PHACTR1: variants seen among roughly 807,000 people sequenced by gnomAD.
PHACTR1 encodes RPEL repeat containing 1.
In PHACTR1, 16 loss-of-function variants were observed where a neutral mutation model predicts 69.2. That is an observed-to-expected ratio of 0.23 (90% confidence interval 0.16 to 0.35). The LOEUF (loss-of-function observed/expected upper bound fraction) is 0.35. Ranked by LOEUF, PHACTR1 falls within the 10% of genes least tolerant of loss-of-function variation. The pLI, the probability that PHACTR1 is intolerant of heterozygous loss-of-function variation, is 1.00. For missense variants in PHACTR1, 510 were observed against 734.7 expected, an observed-to-expected ratio of 0.69 and a Z score of 3.54; for synonymous variants, 312 against 284.5, an observed-to-expected ratio of 1.10 and a Z score of -0.97.
At chr6:13,044,328 G>A (rs1031310727) in intron 4 of PHACTR1, among the ~76,000 whole-genome samples, 3 of 152,160 alleles carry the variant, frequency 2.0e-5, no homozygotes, top group Non-Finnish European at 4.4e-5. Context: ...TATTAACCAA[G>A]GCTAAATGAA....
In PHACTR1 at chr6:12,758,240, C is replaced by T. The variant is rs199935382; in HGVS notation, c.250+8450C>T. The stretch of plus-strand genomic sequence containing the variant: ...CAGGCAGATTACAAGGTCAGGAATT[C>T]GAGACCAGCCTGACCAACATGGTGA... On this transcript the variant is annotated intron_variant, in intron 4 of 14. Coordinates refer to ENST00000332995, the MANE Select transcript of PHACTR1 (RefSeq NM_030948.6). Among the ~76,000 whole-genome samples, 19 of 152,024 alleles carry T rather than the reference C, an allele frequency of 1.2e-4. No homozygotes were observed. In the East Asian group the frequency reaches 2.1e-3, roughly 17 times the overall value.
chr6:13,022,736 G>T (rs957955425), intron 4 of PHACTR1, among the ~76,000 whole-genome samples: 1 of 151,978 alleles, frequency 6.6e-6, no homozygotes, highest in Non-Finnish European at 1.5e-5. Context: ...TATCTCTCCT[G>T]TCTGGGTGCG....
chr6:12,821,150 AAAG>A (rs374184787), intron 4 of PHACTR1, among the ~76,000 whole-genome samples: 67 of 152,314 alleles, frequency 4.4e-4, no homozygotes, highest in African/African-American at 1.5e-3. Context: ...ACTCAAATAT[AAAG>A]AAGAAGTGCA....
chr6:13,218,429 T>C (rs1768008675), intron 8 of PHACTR1, among the ~76,000 whole-genome samples: 1 of 152,236 alleles, frequency 6.6e-6, no homozygotes, highest in South Asian at 2.1e-4. Context: ...CATTCATTCC[T>C]GTATGAAAGA....
At chr6:12,721,470 A>G (rs779553739) in intron 3 of PHACTR1, among the ~76,000 whole-genome samples, 3 of 152,240 alleles carry the variant, frequency 2.0e-5, no homozygotes, top group Non-Finnish European at 4.4e-5. Context: ...ATTTCTAGCA[A>G]CAACCACAAA....
chr6:12,810,836 A>G (rs1774934429), intron 4 of PHACTR1, among the ~76,000 whole-genome samples: 1 of 152,060 alleles, frequency 6.6e-6, no homozygotes, highest in African/African-American at 2.4e-5. Context: ...CCCCTGCACT[A>G]TGCTATTGTA....
At chr6:12,743,200 A>C (rs1765295202) in intron 3 of PHACTR1, among the ~76,000 whole-genome samples, 2 of 151,778 alleles carry the variant, frequency 1.3e-5, no homozygotes, top group African/African-American at 2.4e-5. Flanking sequence ...AAAAAAAAAA[A>C]AAAAACAAAC....
At position 12,955,670 on chromosome 6, in the gene PHACTR1, T is replaced by C. The variant is rs552859215; in HGVS notation, c.251-97695T>C. Reference sequence around the variant, plus strand: ...ACCTTCCTATGTGTCTTTATTCTTATTAAGAAAGAAGTTACTGTAGCAACG... The same window carrying C: ...ACCTTCCTATGTGTCTTTATTCTTACTAAGAAAGAAGTTACTGTAGCAACG... On this transcript the variant is annotated intron_variant, in intron 4 of 14. Transcript: ENST00000332995. Among the ~76,000 whole-genome samples the C allele has an allele frequency of 2.6e-5, 4 of 152,308 alleles. No homozygotes were observed. In the South Asian group the frequency reaches 6.2e-4, roughly 24 times the overall value.
intron 4 of PHACTR1, among the ~76,000 whole-genome samples, chr6:12,951,326 G>A (rs72820836): frequency 0.043 from 6,519 of 152,308 alleles, 181 homozygotes; most frequent in Non-Finnish European, 0.07. Flanking sequence ...GCAGAAACAG[G>A]CTAGTCTAAG....
At chr6:12,979,596 T>G (rs1242249289) in intron 4 of PHACTR1, among the ~76,000 whole-genome samples, 1 of 152,138 alleles carries the variant, frequency 6.6e-6, no homozygotes, top group African/African-American at 2.4e-5. Context: ...TCATGTTGTT[T>G]TGGTGTAACT....
In PHACTR1 at chr6:12,737,398, T is replaced by TACACACAC. The variant is rs3071780; in HGVS notation, c.104-12231_104-12224dup. On this transcript the variant is annotated intron_variant, in intron 3 of 14. Coordinates refer to ENST00000332995, the MANE Select transcript of PHACTR1 (RefSeq NM_030948.6). ...TATATACAGAGGAGATATTGTTTTA[T>TACACACAC]ACACACACACACACACACACACGCA... Among the ~76,000 whole-genome samples, 558 of 149,472 alleles carry TACACACAC rather than the reference T, an allele frequency of 3.7e-3. 4 individuals carry two copies. The highest frequency in any genetic ancestry group is 0.013 in the African/African-American group (531 of 40,756).
At chr6:12,903,594 G>C (rs183900239) in intron 4 of PHACTR1, among the ~76,000 whole-genome samples, 1 of 152,318 alleles carries the variant, frequency 6.6e-6, no homozygotes, top group Non-Finnish European at 1.5e-5. Context: ...CCTGGCCTTT[G>C]CCCTTAGAAA....
At chr6:13,119,021 G>A (rs1051298182) in intron 5 of PHACTR1, among the ~76,000 whole-genome samples, 7 of 152,092 alleles carry the variant, frequency 4.6e-5, no homozygotes, top group African/African-American at 1.7e-4. Context: ...CTGAACAAAG[G>A]TTTCATCTCG....
chr6:13,196,344 T>C (rs3864314), intron 7 of PHACTR1, among the ~76,000 whole-genome samples: 12,936 of 152,070 alleles, frequency 0.085, 1,319 homozygotes, highest in East Asian at 0.58. Flanking sequence ...CCCAGGAAGG[T>C]TAGATGTCTT....
chr6:13,238,767 TGAGCTGGCATCTC>T (rs764428748), intron 10 of PHACTR1, among the ~76,000 whole-genome samples: 4 of 152,196 alleles, frequency 2.6e-5, no homozygotes, highest in Non-Finnish European at 5.9e-5. Context: ...ATGCTGAGTG[TGAGCTGGCATCTC>T]CCCTGGCTAG....
intron 5 of PHACTR1, among the ~76,000 whole-genome samples, chr6:13,139,460 T>C (rs1324728116): frequency 1.3e-5 from 2 of 152,160 alleles, no homozygotes; most frequent in Non-Finnish European, 2.9e-5. Flanking sequence ...CCGTTGTATT[T>C]ATATTTTCTG....
chr6:13,068,993 GAGCTA>G (rs1480738825), intron 5 of PHACTR1, among the ~76,000 whole-genome samples: 1 of 152,176 alleles, frequency 6.6e-6, no homozygotes, highest in Non-Finnish European at 1.5e-5. Context: ...AACCAGGCCT[GAGCTA>G]AGCAAAGCAG....
intron 4 of PHACTR1, among the ~76,000 whole-genome samples, chr6:12,921,647 GAAGA>G (rs1787696037): frequency 9.8e-6 from 1 of 102,268 alleles, no homozygotes; most frequent in Non-Finnish European, 2.0e-5. Context: ...GGGAGGGAGG[GAAGA>G]AGGAAGGGAG....
intron 5 of PHACTR1, among the ~76,000 whole-genome samples, chr6:13,084,825 A>T (rs985849010): frequency 3.3e-5 from 5 of 152,124 alleles, no homozygotes; most frequent in Non-Finnish European, 7.4e-5. Flanking sequence ...TGAGTCAAGT[A>T]AGCATATTAA....
Sources: gnomAD v4.1 joint callset for allele counts (sites outside exome capture counted in the v4.1 genomes callset) on GRCh38, gnomAD v4.1.1 for gene constraint, MANE v1.5 for transcripts, NCBI Gene and HGNC (gene_info 2026-07-23, HGNC 2026-07-21) for gene names.